TAF4B: variants seen among roughly 807,000 people sequenced by gnomAD.
TAF4B encodes TATA-box binding protein associated factor 4b.
A neutral mutation model predicts 86.4 loss-of-function variants in TAF4B; 38 were observed. The observed-to-expected ratio is 0.44, with a 90% confidence interval of 0.34 to 0.58. TAF4B has a LOEUF of 0.58. TAF4B is among the 20% of genes least tolerant of loss of function. The probability of loss-of-function intolerance (pLI) is 0.02; values close to 1 mark genes in which losing one functional copy is unlikely to be tolerated. For missense variants in TAF4B, 988 were observed against 1,027.6 expected, an observed-to-expected ratio of 0.96 and a Z score of 0.53; for synonymous variants, 388 against 391.2, an observed-to-expected ratio of 0.99 and a Z score of 0.10.
In TAF4B at chr18:26,363,407, G is replaced by A. The variant is rs534601890; in HGVS notation, c.2421+5613G>A. On this transcript the variant is annotated intron_variant, in intron 14 of 14. Transcript: ENST00000269142. ...AAAAAAAAAAAAAAAAAGGCAGCGC[G>A]TGGTGGTGTGCGCCTGTAGTTCCAG... Among the ~76,000 whole-genome samples the A allele has an allele frequency of 4.7e-5, 7 of 150,084 alleles. No homozygotes were observed. In the South Asian group the frequency reaches 1.1e-3, roughly 23 times the overall value.
At chr18:26,377,791 AC>A (rs1314420297) in intron 14 of TAF4B, among the ~76,000 whole-genome samples, 1 of 152,180 alleles carries the variant, frequency 6.6e-6, no homozygotes, top group Non-Finnish European at 1.5e-5. Flanking sequence ...ATTGTGTGTT[AC>A]AGTTTGTTGC....
At chr18:26,301,793 G>A (rs1051457761) in intron 9 of TAF4B, among the ~76,000 whole-genome samples, 5 of 152,136 alleles carry the variant, frequency 3.3e-5, no homozygotes, top group African/African-American at 1.2e-4. Flanking sequence ...AGTTCTGGCA[G>A]CCTTGGACTT....
chr18:26,251,970 G>C (rs2056012683), intron 1 of TAF4B, among the ~76,000 whole-genome samples: 1 of 152,108 alleles, frequency 6.6e-6, no homozygotes, highest in African/African-American at 2.4e-5. Context: ...AGAAAAGTTT[G>C]AATTGTGGAC....
At chr18:26,279,879 TA>T (rs1488532628) in intron 5 of TAF4B, among the ~76,000 whole-genome samples, 1 of 151,808 alleles carries the variant, frequency 6.6e-6, no homozygotes, top group East Asian at 1.9e-4. Flanking sequence ...CCATCTCTAC[TA>T]AAAAAATACA....
intron 13 of TAF4B, among the ~76,000 whole-genome samples, chr18:26,354,877 A>G (rs1418300639): frequency 6.6e-6 from 1 of 152,202 alleles, no homozygotes; most frequent in Non-Finnish European, 1.5e-5. Flanking sequence ...TGGTTGTTGT[A>G]GCTATTCTAG....
At chr18:26,277,160 G>A (rs2056393876) in intron 5 of TAF4B, among the ~76,000 whole-genome samples, 1 of 152,060 alleles carries the variant, frequency 6.6e-6, no homozygotes, top group South Asian at 2.1e-4. Flanking sequence ...AAGGCTCCCT[G>A]CTTTCTTGAC....
chr18:26,364,962 C>T (rs1313247268), intron 14 of TAF4B, among the ~76,000 whole-genome samples: 2 of 150,040 alleles, frequency 1.3e-5, no homozygotes, highest in Non-Finnish European at 3.0e-5. Context: ...ATGTCCTCTC[C>T]TTCTAGAAGC....
At chr18:26,243,279 AT>A (rs1055516501) in intron 1 of TAF4B, among the ~76,000 whole-genome samples, 18 of 151,108 alleles carry the variant, frequency 1.2e-4, no homozygotes, top group East Asian at 3.9e-4. Flanking sequence ...GGCTTTGTTT[AT>A]TTTTTTTTAT....
chr18:26,333,444 G>T (rs952163850), intron 12 of TAF4B, among the ~76,000 whole-genome samples: 1 of 152,104 alleles, frequency 6.6e-6, no homozygotes, highest in Non-Finnish European at 1.5e-5. Context: ...GAGTGCAGTG[G>T]CATGATAATA....
At chr18:26,240,611 C>T (rs1404604662) in intron 1 of TAF4B, among the ~76,000 whole-genome samples, 2 of 152,220 alleles carry the variant, frequency 1.3e-5, no homozygotes, top group Non-Finnish European at 2.9e-5. Flanking sequence ...GCCAGAACTT[C>T]CAACACTATG....
chr18:26,325,269 G>A (rs2056994816), intron 11 of TAF4B, among the ~76,000 whole-genome samples: 1 of 152,190 alleles, frequency 6.6e-6, no homozygotes, highest in Admixed American at 6.5e-5. Flanking sequence ...TATTTGGGTT[G>A]CTTTAGATGG....
intron 6 of TAF4B, among the ~76,000 whole-genome samples, chr18:26,283,426 ATCT>A (rs1179638423): frequency 6.6e-6 from 1 of 151,294 alleles, no homozygotes; most frequent in Non-Finnish European, 1.5e-5. Context: ...TTTGAAAATA[ATCT>A]TTTTTTTTTT....
rs1349300583 is a variant in TAF4B, at chr18:26,240,152, G to A, written c.343+12876G>A. 1.6e-4 allele frequency among the ~76,000 whole-genome samples: 24 copies of A among 152,256 alleles called. No individual in the cohort carries two copies. In the East Asian group the frequency reaches 4.4e-3, roughly 28 times the overall value. On this transcript the variant is annotated intron_variant, in intron 1 of 14. Coordinates refer to ENST00000269142, the MANE Select transcript of TAF4B (RefSeq NM_005640.3). Reference sequence around the variant, plus strand: ...AGTCATTGGTAGCTTGATGGGGATGGCATTGAATCTATAAGTTACCTTGGG... The same window carrying A: ...AGTCATTGGTAGCTTGATGGGGATGACATTGAATCTATAAGTTACCTTGGG...
At chr18:26,236,437 A>C (rs1357661273) in intron 1 of TAF4B, among the ~76,000 whole-genome samples, 2 of 152,146 alleles carry the variant, frequency 1.3e-5, no homozygotes, top group African/African-American at 4.8e-5. Flanking sequence ...GAGGATGATG[A>C]CATGAGCTGG....
At chr18:26,381,429 T>TAA (rs1390516813) in intron 14 of TAF4B, among the ~76,000 whole-genome samples, 2 of 151,934 alleles carry the variant, frequency 1.3e-5, no homozygotes, top group Non-Finnish European at 2.9e-5. Flanking sequence ...AAGAGTCTTT[T>TAA]AAAACCAAGT....
At chr18:26,232,473 A>T (rs2055687156) in intron 1 of TAF4B, among the ~76,000 whole-genome samples, 1 of 152,186 alleles carries the variant, frequency 6.6e-6, no homozygotes, top group South Asian at 2.1e-4. Context: ...TCCTGAAGGA[A>T]ACAAATTTGA....
At chr18:26,255,841 A>C (rs2056076174) in intron 1 of TAF4B, 1 of 1,372,240 alleles carries the variant, frequency 7.3e-7, no homozygotes, top group Admixed American at 1.7e-5. Flanking sequence ...ATGATCCCAC[A>C]ACATGTCTTC....
intron 1 of TAF4B, among the ~76,000 whole-genome samples, chr18:26,244,857 C>T (rs1212243174): frequency 2.0e-5 from 3 of 152,146 alleles, no homozygotes; most frequent in Non-Finnish European, 2.9e-5. Flanking sequence ...AGGCAAGTTT[C>T]AGGATAGATA....
chr18:26,245,522 A>C (rs1267766948), intron 1 of TAF4B, among the ~76,000 whole-genome samples: 1 of 152,100 alleles, frequency 6.6e-6, no homozygotes, highest in Non-Finnish European at 1.5e-5. Context: ...GTCCTATCAG[A>C]GTGCCCTTTT....
Sources: allele counts gnomAD v4.1 joint callset (sites outside exome capture counted in the v4.1 genomes callset), GRCh38; gene constraint gnomAD v4.1.1; transcripts MANE v1.5; gene names NCBI Gene and HGNC (gene_info 2026-07-23, HGNC 2026-07-21).